SCAND3: variants seen among roughly 807,000 people sequenced by gnomAD.
The protein encoded by SCAND3 is SCAN domain containing 3, also known as SCAN domain-containing protein 3.
chr6:28,586,151 G>T, the SCAND3 span: 2 of 658,146 alleles, frequency 3.0e-6, no homozygotes, highest in South Asian at 1.9e-5. The surrounding 1 kb of genome is among the most constrained non-coding windows in gnomAD (Gnocchi z 4.4). Flanking sequence ...TCATATGCAC[G>T]CATCTATTCA....
chr6:28,575,152 G>A, the SCAND3 span: 9 of 1,614,084 alleles, frequency 5.6e-6, no homozygotes, highest in Admixed American at 1.7e-5. The surrounding 1 kb of genome is among the most constrained non-coding windows in gnomAD (Gnocchi z 4.2). Flanking sequence ...ACTTTCACAT[G>A]GAGTCTGTTG....
At chr6:28,596,977 A>G in the SCAND3 span, among the ~76,000 whole-genome samples, 11 of 152,180 alleles carry the variant, frequency 7.2e-5, no homozygotes, top group Non-Finnish European at 1.6e-4. Context: ...AAGTTTATTG[A>G]CAATATTTTT....
At chr6:28,591,537 A>G in the SCAND3 span, 1 of 152,196 alleles carries the variant, frequency 6.6e-6, no homozygotes. Flanking sequence ...CCAATTCAGT[A>G]AGAATTCCTC....
chr6:28,578,691 G>A, the SCAND3 span, among the ~76,000 whole-genome samples: 2,911 of 152,224 alleles, frequency 0.019, 41 homozygotes, highest in African/African-American at 0.038. Context: ...GAAGTTTGTA[G>A]AATCAATATT....
the SCAND3 span, among the ~76,000 whole-genome samples, chr6:28,583,276 G>A: frequency 6.6e-6 from 1 of 151,730 alleles, no homozygotes; most frequent in Non-Finnish European, 1.5e-5. Context: ...CCAGCTACTC[G>A]GGAGGCTGAG....
At chr6:28,572,595 C>A in the SCAND3 span, 1 of 1,614,052 alleles carries the variant, frequency 6.2e-7, no homozygotes, top group Non-Finnish European at 8.5e-7. This position sits in a 1 kb window ranked among gnomAD's most constrained non-coding sequence, Gnocchi z 4.1. Context: ...GTCTGGCTGT[C>A]CAATTCACAT....
At chr6:28,579,288 G>A in the SCAND3 span, 2 of 1,613,528 alleles carry the variant, frequency 1.2e-6, no homozygotes, top group Middle Eastern at 3.3e-4. This position sits in a 1 kb window ranked among gnomAD's most constrained non-coding sequence, Gnocchi z 4.5. Context: ...CTTGAAGTGG[G>A]TGTGGCTCTG....
chr6:28,603,228 G>A, the SCAND3 span, among the ~76,000 whole-genome samples: 2 of 152,076 alleles, frequency 1.3e-5, no homozygotes, highest in Non-Finnish European at 2.9e-5. Context: ...AAAGTGCTGG[G>A]ATTACAGGCG....
the SCAND3 span, chr6:28,575,493 A>C: frequency 0.012 from 19,726 of 1,613,938 alleles, 182 homozygotes; most frequent in African/African-American, 0.039. This position sits in a 1 kb window ranked among gnomAD's most constrained non-coding sequence, Gnocchi z 4.2. Flanking sequence ...ACCGCAAAAA[A>C]GTTAACTTTG....
chr6:28,574,816 G>A, the SCAND3 span: 2 of 1,613,918 alleles, frequency 1.2e-6, no homozygotes, highest in South Asian at 1.1e-5. Context: ...ATGTTGAGAG[G>A]GCACTCCACA....
the SCAND3 span, chr6:28,586,814 A>G: frequency 9.5e-7 from 1 of 1,051,348 alleles, no homozygotes; most frequent in Non-Finnish European, 1.4e-6. This position sits in a 1 kb window ranked among gnomAD's most constrained non-coding sequence, Gnocchi z 4.4. Flanking sequence ...TGGTCAGGAA[A>G]GTTTTTGATA....
At chr6:28,611,467 T>G in the SCAND3 span, among the ~76,000 whole-genome samples, 12 of 152,218 alleles carry the variant, frequency 7.9e-5, no homozygotes, top group Non-Finnish European at 1.6e-4. Flanking sequence ...CAAAAGGATA[T>G]AAATGGATTG....
chr6:28,613,530 C>A, the SCAND3 span, among the ~76,000 whole-genome samples: 1 of 152,240 alleles, frequency 6.6e-6, no homozygotes, highest in Non-Finnish European at 1.5e-5. Context: ...AGTCTTGAAC[C>A]ATTCCCTCCT....
the SCAND3 span, among the ~76,000 whole-genome samples, chr6:28,607,942 C>G: frequency 6.6e-6 from 1 of 152,162 alleles, no homozygotes; most frequent in Admixed American, 6.5e-5. Context: ...CCTGCATAAA[C>G]TGGCCATAAA....
chr6:28,570,899 T>C, the SCAND3 span: 3 of 152,170 alleles, frequency 2.0e-5, no homozygotes, highest in African/African-American at 7.2e-5. Context: ...TAAATCTAAT[T>C]GAGGTGCCAA....
chr6:28,601,871 AGTT>A, the SCAND3 span, among the ~76,000 whole-genome samples: 2 of 152,120 alleles, frequency 1.3e-5, no homozygotes, highest in African/African-American at 4.8e-5. Context: ...AGGGAGGGAA[AGTT>A]GTTGTTCTGT....
chr6:28,599,467 TCG>T, the SCAND3 span, among the ~76,000 whole-genome samples: 1 of 152,218 alleles, frequency 6.6e-6, no homozygotes, highest in Non-Finnish European at 1.5e-5. Context: ...CGCTCAAATC[TCG>T]TCTTGAATTT....
chr6:28,579,841 G>C, the SCAND3 span, among the ~76,000 whole-genome samples: 1 of 151,844 alleles, frequency 6.6e-6, no homozygotes, highest in Non-Finnish European at 1.5e-5. The surrounding 1 kb of genome is among the most constrained non-coding windows in gnomAD (Gnocchi z 4.5). Flanking sequence ...GAGGTCAGGA[G>C]TTCGAGAGCA....
At chr6:28,606,832 GC>G in the SCAND3 span, among the ~76,000 whole-genome samples, 2 of 152,090 alleles carry the variant, frequency 1.3e-5, no homozygotes, top group African/African-American at 2.4e-5. Context: ...CCCCTTTGAC[GC>G]CCCCCTACAG....
Sources: allele counts gnomAD v4.1 joint callset (sites outside exome capture counted in the v4.1 genomes callset), GRCh38; gene constraint gnomAD v4.1.1; non-coding constraint Gnocchi (gnomAD v3.1); transcripts MANE v1.5; gene names NCBI Gene and HGNC (gene_info 2026-07-23, HGNC 2026-07-21).